Variants in ATP8B3 observed in about 807,000 individuals in gnomAD.
The protein encoded by ATP8B3 is phospholipid-transporting ATPase IK.
In ATP8B3, 141 loss-of-function variants were observed where a neutral mutation model predicts 140.9. The observed-to-expected ratio is 1.00, with a 90% CI of 0.87 to 1.15. The LOEUF is 1.15. ATP8B3 is among the 50% of genes most tolerant of loss of function. ATP8B3 has a pLI of 0.00. For missense variants in ATP8B3, 1,874 were observed against 1,740.6 expected (o/e 1.08, Z -1.36); for synonymous variants, 765 against 714.6 (o/e 1.07, Z -1.13).
intron 21 of ATP8B3, among the ~76,000 whole-genome samples, chr19:1,790,282 CT>C (rs1249538811): frequency 4.3e-5 from 1 of 23,286 alleles, no homozygotes; most frequent in Non-Finnish European, 9.3e-5. Context: ...CTGCTCCCCC[CT>C]CCCCTCCCTC....
In ATP8B3 at chr19:1,789,873, C is replaced by A. The variant is rs2145177623; in HGVS notation, c.2478+17G>T. The A allele has an allele frequency of 6.2e-7, 1 of 1,610,386 alleles. No individual in the cohort carries two copies. The highest frequency in any genetic ancestry group is 8.5e-7 in the Non-Finnish European group (1 of 1,178,300). ...CCTGGCGCCGGGACCCCGCCGTCCA[C>A]CCTGAGCGACACTGACCAGGAAGTC... On this transcript the variant is annotated intron_variant, in intron 22 of 28. Coordinates refer to ENST00000310127, the MANE Select transcript of ATP8B3 (RefSeq NM_138813.4).
In ATP8B3 at chr19:1,783,196, A is replaced by G. The variant is rs762518022; in HGVS notation, c.3735T>C (p.Ser1245=). Residue 1245 remains serine, a synonymous_variant, in exon 29 of 29, where the codon TCT becomes TCC. Coordinates refer to ENST00000310127, the MANE Select transcript of ATP8B3 (RefSeq NM_138813.4). ...MEPLPHVHRE[S]RARRSSYAFS... ...AAGCATAGCTGGAACGGCGGGCACG[A>G]GACTCCCGGTGTACATGAGGCAAGG... The G allele has an allele frequency of 6.2e-7, 1 of 1,612,890 alleles. No individual in the cohort carries two copies. Among genetic ancestry groups the G allele is most frequent in the East Asian group, 2.2e-5 (1 of 44,852 alleles).
At chr19:1,799,798 A>G (rs771144592) in intron 14 of ATP8B3, 149 bp downstream of exon 14, 3 of 845,126 alleles carry the variant, frequency 3.5e-6, no homozygotes, top group South Asian at 3.2e-5. Context: ...GCCCCCTCCA[A>G]AGGAAACCAG....
intron 24 of ATP8B3, among the ~76,000 whole-genome samples, chr19:1,788,637 G>C (rs1000176746): frequency 3.3e-5 from 5 of 152,200 alleles, no homozygotes; most frequent in African/African-American, 1.2e-4. Context: ...GTGACAGAGT[G>C]AGACTCTGTC....
intron 25 of ATP8B3, 37 bp from the exon 26 acceptor site, chr19:1,785,745 G>A (rs1330644967): frequency 9.3e-6 from 10 of 1,071,282 alleles, no homozygotes; most frequent in Non-Finnish European, 1.3e-5. Context: ...TTGGGTGGGG[G>A]GCGGGGGACA....
chr19:1,785,198 A>T lies in ATP8B3; in HGVS notation c.3493T>A (p.Trp1165Arg). 1 of 1,602,962 alleles carries T rather than the reference A, an allele frequency of 6.2e-7. No homozygotes were observed. The highest frequency in any genetic ancestry group is 8.5e-7 in the Non-Finnish European group (1 of 1,174,950). ...GTCGTGGGGGATACTCTGAAGAGCC[A>T]GAAGCTCTGGGTGGTGGTAGTCATG... ...AIMTTTTQSF[W>R]LFRVSPTTFP... Residue 1165 changes from tryptophan to arginine, a missense_variant, in exon 27 of 29, where the codon TGG becomes AGG. By Grantham distance (101) the Trp-to-Arg change is moderately radical. This residue lies in a region of ATP8B3 where 840 missense variants were observed against 760.9 expected (regional missense o/e 1.10). Transcript: ENST00000310127.
rs889460438 is a variant in ATP8B3 at position 1,800,914 on chromosome 19, C to T, written c.1153-465G>A. On this transcript the variant is annotated intron_variant, in intron 12 of 28. Transcript: ENST00000310127. The surrounding 1 kb of genome is among the most constrained non-coding windows in gnomAD (Gnocchi z 4.4). ...CGCGATCTTGGCTCACAGCAAGCTCCGCCTCCCGGGTTCACACCATTCTCC... is the reference window on the plus strand; with the variant it reads ...CGCGATCTTGGCTCACAGCAAGCTCTGCCTCCCGGGTTCACACCATTCTCC... Among the ~76,000 whole-genome samples the T allele has an allele frequency of 1.2e-4, 18 of 151,386 alleles. No individual in the cohort carries two copies. The highest frequency in any genetic ancestry group is 3.3e-4 in the Admixed American group (5 of 15,216).
In ATP8B3 at chr19:1,782,764, C is replaced by T. The variant is rs1216405883; in HGVS notation, c.*264G>A. On this transcript the variant is annotated 3_prime_UTR_variant, in exon 29 of 29. Transcript: ENST00000310127. ...GTGACCTCTCCTTGGTCAACAGCAA[C>T]TTCTCAGGAGAAGGTGGCCTCTGCT... The T allele has an allele frequency of 1.0e-5, 5 of 494,682 alleles. No individual in the cohort carries two copies. Among genetic ancestry groups the T allele is most frequent in the African/African-American group, 9.7e-5 (5 of 51,806 alleles). The allele number at this position is 494,682 out of a possible 1,614,324, so 30.6% of individuals were successfully genotyped here. A position where few individuals can be genotyped will look rare whatever the true frequency, so the allele number is the denominator to read the frequency against.
At position 1,807,366 on chromosome 19, in the gene ATP8B3, A is replaced by T; in HGVS notation, c.517-100T>A. ...AGCCCCGCACTCGACACCACGTGAC[A>T]CATCTGCTGGCCACCTTGACCGGGG... On this transcript the variant is annotated intron_variant, in intron 5 of 28. Transcript: ENST00000310127. This position sits in a 1 kb window ranked among gnomAD's most constrained non-coding sequence, Gnocchi z 5.9. The T allele has an allele frequency of 1.1e-6, 1 of 935,522 alleles. No homozygotes were observed. Among genetic ancestry groups the T allele is most frequent in the South Asian group, 1.5e-5 (1 of 68,046 alleles). The allele number at this position is 935,522 out of a possible 1,614,324, so 58.0% of individuals were successfully genotyped here. A position where few individuals can be genotyped will look rare whatever the true frequency, so the allele number is the denominator to read the frequency against.
chr19:1,804,859 G>T (rs1231303722), intron 10 of ATP8B3, among the ~76,000 whole-genome samples: 4 of 152,256 alleles, frequency 2.6e-5, no homozygotes, highest in Non-Finnish European at 4.4e-5. Context: ...TCAGCACTCT[G>T]TTCTCAGAGG....
chr19:1,802,378 C>A, intron 11 of ATP8B3, 109 bp downstream of exon 11: 1 of 1,111,570 alleles, frequency 9.0e-7, no homozygotes, highest in Non-Finnish European at 1.2e-6. Flanking sequence ...TCCATGCACT[C>A]ATCCTCTCAC....
chr19:1,800,377 C>A lies in ATP8B3; in HGVS notation c.1225G>T (p.Asp409Tyr). 1 of 1,611,552 alleles carries A rather than the reference C, an allele frequency of 6.2e-7. No homozygotes were observed. The highest frequency in any genetic ancestry group is 8.5e-7 in the Non-Finnish European group (1 of 1,179,126). Residue 409 changes from aspartate to tyrosine, a missense_variant, in exon 13 of 29, where the codon GAC (aspartate) becomes TAC (tyrosine). Physicochemically the swap from Asp to Tyr is radical, Grantham distance 160. Around this residue, in one of 3 missense-constraint regions of ATP8B3, gnomAD observed 1,032 missense variants for 963.6 expected, o/e 1.07. Transcript: ENST00000310127. This position sits in a 1 kb window ranked among gnomAD's most constrained non-coding sequence, Gnocchi z 4.4. ...GFGFSVKEFK[D>Y]HHYYLSGVHG... ...ACCCCCGAGAGGTAGTAGTGGTGGTCTTTGAATTCTTTGACTGAGAAACCG... is the reference window on the plus strand; with the variant it reads ...ACCCCCGAGAGGTAGTAGTGGTGGTATTTGAATTCTTTGACTGAGAAACCG...
rs1158150337 is a variant in ATP8B3, at chr19:1,788,928, C to T, written c.3038G>A (p.Trp1013Ter). ...GGTGAAGCCGTTGTAGCAGGCAAACCAGACCTGCACCATCATGCTGGCCAT... is the reference window on the plus strand; with the variant it reads ...GGTGAAGCCGTTGTAGCAGGCAAACTAGACCTGCACCATCATGCTGGCCAT... ...KSMASMMVQVWFACYNGFTGQ... is the reference protein window; with the variant it reads ...KSMASMMVQV Residue 1013 changes from tryptophan to a stop codon, truncating the protein, a stop_gained, in exon 24 of 29, where the codon TGG becomes TAG. Transcript: ENST00000310127. LOFTEE classifies it high-confidence loss of function. 1 of 1,603,934 alleles carries T rather than the reference C, an allele frequency of 6.2e-7. No homozygotes were observed. Among genetic ancestry groups the T allele is most frequent in the Admixed American group, 1.7e-5 (1 of 58,716 alleles).
intron 4 of ATP8B3, among the ~76,000 whole-genome samples, chr19:1,809,064 C>G (rs996050246): frequency 6.6e-6 from 1 of 151,964 alleles, no homozygotes; most frequent in Non-Finnish European, 1.5e-5. Flanking sequence ...ATCCCAGCTA[C>G]TTGGGAGTCT....
At chr19:1,788,772 G>A in intron 24 of ATP8B3, 125 bp downstream of exon 24, 1 of 948,666 alleles carries the variant, frequency 1.1e-6, no homozygotes, top group Non-Finnish European at 1.6e-6. Flanking sequence ...TGTGGCCTCA[G>A]GCAAGCCCTG....
intron 10 of ATP8B3, among the ~76,000 whole-genome samples, chr19:1,803,896 CAAAAAAAAAAAA>C: frequency 1.4e-5 from 1 of 72,404 alleles, no homozygotes; most frequent in South Asian, 5.1e-4. Context: ...GACTCTGTCT[CAAAAAAAAAAAA>C]AAAAAAAAAA....
intron 23 of ATP8B3, 96 bp from the exon 24 acceptor site, chr19:1,789,216 CCAT>C: frequency 1.2e-6 from 1 of 860,414 alleles, no homozygotes; most frequent in Non-Finnish European, 1.7e-6. Context: ...TCAGCCCCCC[CCAT>C]CTGCTTCAGG....
chr19:1,793,215 C>T (rs1192786548), intron 18 of ATP8B3, among the ~76,000 whole-genome samples: 2 of 151,920 alleles, frequency 1.3e-5, no homozygotes, highest in Non-Finnish European at 2.9e-5. Flanking sequence ...CTCTACCTTC[C>T]AAATAGCTGG....
chr19:1,800,312 G>A lies in ATP8B3; in HGVS notation c.1290C>T (p.Phe430=). The A allele has an allele frequency of 6.2e-7, 1 of 1,612,978 alleles. No individual in the cohort carries two copies. The highest frequency in any genetic ancestry group is 8.5e-7 in the Non-Finnish European group (1 of 1,179,860). Residue 430 remains phenylalanine (F), a synonymous_variant, in exon 13 of 29, where the codon TTC becomes TTT. Coordinates refer to ENST00000310127, the MANE Select transcript of ATP8B3 (RefSeq NM_138813.4). This position sits in a 1 kb window ranked among gnomAD's most constrained non-coding sequence, Gnocchi z 4.4. ...SSVAAESFFV[F]WSFLILLSVT... is the part of the protein sequence containing the mutation. ...CGCTGAGCAGGATGAGGAAGCTCCA[G>A]AAGACGAAGAAGGACTCTGCGGCCA...
Sources: allele counts gnomAD v4.1 joint callset (sites outside exome capture counted in the v4.1 genomes callset), GRCh38; gene constraint gnomAD v4.1.1; regional missense constraint gnomAD v4.1.1; non-coding constraint Gnocchi (gnomAD v3.1); transcripts MANE v1.5; gene names NCBI Gene and HGNC (gene_info 2026-07-23, HGNC 2026-07-21).